The following RPS3 variants were observed in gnomAD, a reference collection of about 807,000 sequenced individuals.
RPS3 encodes ribosomal protein S3, also known as small ribosomal subunit protein uS3.
RPS3 carries 2 observed loss-of-function variants against 25.8 expected under a neutral mutation model. The observed-to-expected ratio is 0.08, with a 90% CI of 0.03 to 0.24. RPS3 has a LOEUF of 0.24. Ranked by LOEUF, RPS3 falls within the 10% of genes least tolerant of loss-of-function variation. The probability of loss-of-function intolerance (pLI) is 1.00; values close to 1 mark genes in which losing one functional copy is unlikely to be tolerated. For missense variants in RPS3, 107 were observed against 307.1 expected (o/e 0.35, Z 4.87); for synonymous variants, 114 against 114.2 (o/e 1.00, Z 0.01).
chr11:75,418,107 C>T (rs1040150554), intron 6 of RPS3, among the ~76,000 whole-genome samples: 6 of 152,246 alleles, frequency 3.9e-5, no homozygotes, highest in African/African-American at 1.2e-4. Context: ...ACAAGTCTGC[C>T]CCATCCCTAA....
chr11:75,402,686 A>C (rs1225615847), intron 4 of RPS3: 1 of 327,550 alleles, frequency 3.1e-6, no homozygotes, highest in African/African-American at 2.1e-5. Context: ...GTGCTTTGGG[A>C]GTTAAACACA....
chr11:75,421,397 C>T (rs1037804462), intron 6 of RPS3, among the ~76,000 whole-genome samples: 9 of 152,080 alleles, frequency 5.9e-5, no homozygotes, highest in Admixed American at 5.9e-4. Context: ...GCAGCTGGGG[C>T]CTGGCCAGCT....
chr11:75,404,956 G>A lies in RPS3; in HGVS notation c.*3+88G>A, dbSNP rs899592917. The A allele has an allele frequency of 3.5e-6, 3 of 869,536 alleles. No individual in the cohort carries two copies. The African/African-American group carries it at 5.1e-5, about 15-fold the overall frequency. 53.9% of individuals were successfully genotyped at this position (869,536 alleles called of 1,614,324 possible). A position where few individuals can be genotyped will look rare whatever the true frequency, so the allele number is the denominator to read the frequency against. On this transcript the variant is annotated intron_variant, in intron 6 of 6. Transcript: ENST00000531188. The surrounding 1 kb of genome is among the most constrained non-coding windows in gnomAD (Gnocchi z 4.6). ...ATACTTGTATCCCACATTCTGGTAAGCGTTTGGTGAATAAAAATTTCATTT... is the reference window on the plus strand; with the variant it reads ...ATACTTGTATCCCACATTCTGGTAAACGTTTGGTGAATAAAAATTTCATTT...
chr11:75,402,568 A>G, intron 4 of RPS3, 122 bp downstream of exon 4: 5 of 1,024,786 alleles, frequency 4.9e-6, no homozygotes, highest in South Asian at 1.7e-5. Context: ...TCCCAGGGTT[A>G]TAATAAGATA....
intron 6 of RPS3, among the ~76,000 whole-genome samples, chr11:75,411,916 G>A (rs901611001): frequency 6.6e-6 from 1 of 152,186 alleles, no homozygotes; most frequent in Non-Finnish European, 1.5e-5. Flanking sequence ...GTCCTTTAGG[G>A]ACAACCATTC....
intron 1 of RPS3, 138 bp from the exon 2 acceptor site, chr11:75,400,556 G>T: frequency 4.7e-6 from 6 of 1,269,262 alleles, no homozygotes; most frequent in Non-Finnish European, 6.8e-6. Flanking sequence ...CACTCCTGTT[G>T]GAACAAGGGT....
intron 1 of RPS3, chr11:75,399,943 G>A: frequency 2.8e-6 from 1 of 353,976 alleles, no homozygotes; most frequent in Non-Finnish European, 5.2e-6. Flanking sequence ...GTGTATTCTT[G>A]CCTTAACTGG....
intron 3 of RPS3, 149 bp from the exon 4 acceptor site, chr11:75,402,203 C>T: frequency 8.6e-7 from 1 of 1,163,002 alleles, no homozygotes. Context: ...TGTTGGGCCA[C>T]AATCAAAGCC....
downstream of RPS3, among the ~76,000 whole-genome samples, chr11:75,407,284 C>T (rs1376717287): frequency 3.3e-5 from 5 of 152,014 alleles, no homozygotes; most frequent in African/African-American, 4.8e-5. Flanking sequence ...ATTACAGGCA[C>T]CCGCCACCAT....
intron 1 of RPS3, 135 bp downstream of exon 1, chr11:75,399,712 C>T (rs1204623705): frequency 1.3e-6 from 1 of 750,666 alleles, no homozygotes; most frequent in South Asian, 1.7e-5. Flanking sequence ...TCCTGCGGGC[C>T]GCGGATGGCG....
intron 6 of RPS3, among the ~76,000 whole-genome samples, chr11:75,419,780 T>C (rs190401704): frequency 1.8e-4 from 28 of 152,134 alleles, no homozygotes; most frequent in African/African-American, 6.5e-4. Context: ...ACTACAGGCA[T>C]ACGCCACCAT....
chr11:75,412,390 A>G (rs1026397652), intron 6 of RPS3, among the ~76,000 whole-genome samples: 1 of 151,954 alleles, frequency 6.6e-6, no homozygotes, highest in Non-Finnish European at 1.5e-5. Context: ...CATCTTTCCT[A>G]CTTCCACAGT....
At chr11:75,409,248 G>T (rs530440740), downstream of RPS3, among the ~76,000 whole-genome samples, 188 of 144,142 alleles carry the variant, frequency 1.3e-3, 1 homozygote, top group Admixed American at 3.9e-3. Flanking sequence ...GATTTGGCAG[G>T]GTCATAGGAC....
chr11:75,410,137 C>T (rs1948335273), downstream of RPS3, among the ~76,000 whole-genome samples: 2 of 149,292 alleles, frequency 1.3e-5, no homozygotes, highest in Admixed American at 6.6e-5. Flanking sequence ...CACCTCCCTC[C>T]CGGACGGGGC....
chr11:75,414,484 G>C (rs781264513), intron 6 of RPS3, among the ~76,000 whole-genome samples: 19 of 152,142 alleles, frequency 1.2e-4, no homozygotes, highest in Non-Finnish European at 2.4e-4. Context: ...GGTGGTGGAC[G>C]CCTGTAGTCC....
chr11:75,402,575 G>C, intron 4 of RPS3, 129 bp downstream of exon 4: 1 of 965,014 alleles, frequency 1.0e-6, no homozygotes, highest in African/African-American at 1.6e-5. Flanking sequence ...GTTATAATAA[G>C]ATACTAAGTC....
intron 6 of RPS3, among the ~76,000 whole-genome samples, chr11:75,417,992 G>A (rs1948412859): frequency 6.6e-6 from 1 of 152,268 alleles, no homozygotes; most frequent in South Asian, 2.1e-4. Context: ...AGGCCAGGAA[G>A]GAAGTGGGCC....
intron 6 of RPS3, 197 bp from the exon 7 acceptor site, chr11:75,405,417 G>C: frequency 3.1e-6 from 1 of 325,724 alleles, no homozygotes; most frequent in South Asian, 2.6e-5. Flanking sequence ...GTCAACACTT[G>C]GGGTTTTTTT....
chr11:75,411,026 G>C (rs944646050), downstream of RPS3, among the ~76,000 whole-genome samples: 1 of 152,066 alleles, frequency 6.6e-6, no homozygotes, highest in African/African-American at 2.4e-5. Flanking sequence ...ACAGGTGCCT[G>C]CCACCACGCC....
Sources: gnomAD v4.1 joint callset for allele counts (sites outside exome capture counted in the v4.1 genomes callset) on GRCh38, gnomAD v4.1.1 for gene constraint, Gnocchi (gnomAD v3.1) non-coding constraint, MANE v1.5 for transcripts, NCBI Gene and HGNC (gene_info 2026-07-23, HGNC 2026-07-21) for gene names.